ZSWIM3: variants seen among roughly 807,000 people sequenced by gnomAD.
ZSWIM3 encodes zinc finger SWIM-type containing 3.
Under a neutral mutation model 47.5 loss-of-function variants are expected in ZSWIM3, and 27 were observed. The ratio of observed to expected loss-of-function variants is 0.57; its 90% CI spans 0.42 to 0.78. The LOEUF (loss-of-function observed/expected upper bound fraction) is 0.78. Ranked by LOEUF, ZSWIM3 falls within the 30% of genes least tolerant of loss-of-function variation. The pLI is 0.00. For missense variants in ZSWIM3, 689 were observed against 861.3 expected (o/e 0.80, Z 2.50); for synonymous variants, 333 against 333.9 (o/e 1.00, Z 0.03).
chr20:45,876,821 T>C lies in ZSWIM3; in HGVS notation c.263T>C (p.Leu88Pro). 1 of 1,614,162 alleles carries C rather than the reference T, an allele frequency of 6.2e-7. No individual in the cohort carries two copies. Among genetic ancestry groups the C allele is most frequent in the Non-Finnish European group, 8.5e-7 (1 of 1,180,018 alleles). The change falls in exon 2 of 2, where the codon CTA becomes CCA. Residue 88 changes from leucine to proline, a missense_variant. Coordinates refer to ENST00000255152, the MANE Select transcript of ZSWIM3 (RefSeq NM_080752.4). ...AYLLLRYNER[L>P]DRLFISELNT... ...TTGCTCCTAAGGTACAACGAGAGAC[T>C]AGATAGACTATTTATCAGTGAACTA...
In ZSWIM3 at chr20:45,857,697, T is replaced by G. The variant is rs917209237; in HGVS notation, c.-129T>G. 3.4e-6 allele frequency: 4 copies of G among 1,170,966 alleles called. No individual in the cohort carries two copies. Among genetic ancestry groups the G allele is most frequent in the Non-Finnish European group, 2.4e-6 (2 of 822,650 alleles). 72.5% of individuals were successfully genotyped at this position (1,170,966 alleles called of 1,614,324 possible). A position where few individuals can be genotyped will look rare whatever the true frequency, so the allele number is the denominator to read the frequency against. On this transcript the variant is annotated 5_prime_UTR_variant, in exon 1 of 2. Coordinates refer to ENST00000255152, the MANE Select transcript of ZSWIM3 (RefSeq NM_080752.4). The stretch of plus-strand genomic sequence containing the variant: ...CTGAGTTCCAGAATAGGCCACCCAG[T>G]TGGGGCGGACCCTTAAGGCATTCTG...
intron 1 of ZSWIM3, among the ~76,000 whole-genome samples, chr20:45,869,979 G>A (rs1464852555): frequency 6.6e-6 from 1 of 150,620 alleles, no homozygotes; most frequent in Non-Finnish European, 1.5e-5. Context: ...AGGAGGCGGA[G>A]GTTACAGTGA....
chr20:45,872,586 G>T (rs1985998142), intron 1 of ZSWIM3: 2 of 632,710 alleles, frequency 3.2e-6, no homozygotes, highest in African/African-American at 1.9e-5. Context: ...GGTAGGAAGG[G>T]CATTCCAGAC....
At position 45,876,759 on chromosome 20, in the gene ZSWIM3, G is replaced by A. The variant is rs1363197853; in HGVS notation, c.201G>A (p.Arg67=). The change falls in exon 2 of 2, where the codon AGG becomes AGA. Residue 67 remains arginine (R), a synonymous_variant. Coordinates refer to ENST00000255152, the MANE Select transcript of ZSWIM3 (RefSeq NM_080752.4). The part of the protein sequence containing the change: ...KFVCIRTQSN[R]KRTREADMCP... ...TCTGCATTCGGACCCAATCAAACAG[G>A]AAGAGAACGCGGGAGGCAGACATGT... 1 of 1,614,046 alleles carries A rather than the reference G, an allele frequency of 6.2e-7. No homozygotes were observed. Among genetic ancestry groups the A allele is most frequent in the Admixed American group, 1.7e-5 (1 of 59,990 alleles).
In ZSWIM3 at chr20:45,876,864, TG is replaced by T. The variant is rs772501138; in HGVS notation, c.308del (p.Gly103ValfsTer50). On this transcript the variant is annotated frameshift_variant, in exon 2 of 2. Transcript: ENST00000255152. LOFTEE classifies it high-confidence loss of function. ...ISELNTQHIH[G>X]DSKVASPGGD... is the part of the protein sequence containing the mutation. ...GTGAACTAAACACACAGCACATACATGGTGACTCTAAAGTGGCTAGTCCTGG... is the reference window on the plus strand; with the variant it reads ...GTGAACTAAACACACAGCACATACATGTGACTCTAAAGTGGCTAGTCCTGG... The T allele has an allele frequency of 6.2e-7, 1 of 1,614,092 alleles. No individual in the cohort carries two copies. The highest frequency in any genetic ancestry group is 1.1e-5 in the South Asian group (1 of 91,076).
intron 1 of ZSWIM3, among the ~76,000 whole-genome samples, chr20:45,867,264 C>A (rs1985868861): frequency 6.6e-6 from 1 of 152,076 alleles, no homozygotes; most frequent in African/African-American, 2.4e-5. Flanking sequence ...ACCTCAGCCT[C>A]CCAAAGTTCT....
At position 45,859,365 on chromosome 20, in the gene ZSWIM3, T is replaced by C. The variant is rs554147955; in HGVS notation, c.155+1385T>C. ...AGTGTTCAAACTATCCCCAGAGAACTAGGATAAACTTGAACTCAAGCAAAC... is the reference window on the plus strand; with the variant it reads ...AGTGTTCAAACTATCCCCAGAGAACCAGGATAAACTTGAACTCAAGCAAAC... On this transcript the variant is annotated intron_variant, in intron 1 of 1. Coordinates refer to ENST00000255152, the MANE Select transcript of ZSWIM3 (RefSeq NM_080752.4). Among the ~76,000 whole-genome samples, 4 of 145,410 alleles carry C rather than the reference T, an allele frequency of 2.8e-5. No homozygotes were observed. The East Asian group carries it at 8.0e-4, about 29-fold the overall frequency.
intron 1 of ZSWIM3, among the ~76,000 whole-genome samples, chr20:45,859,733 G>T: frequency 7.0e-6 from 1 of 143,210 alleles, no homozygotes; most frequent in Non-Finnish European, 1.5e-5. Context: ...AGGGACCATT[G>T]TGAGGTGTTT....
At chr20:45,876,435 C>T (rs1986094342) in intron 1 of ZSWIM3, among the ~76,000 whole-genome samples, 1 of 152,032 alleles carries the variant, frequency 6.6e-6, no homozygotes, top group African/African-American at 2.4e-5. Context: ...ACTTCCCAGG[C>T]TCAAGCGATC....
At chr20:45,876,338 C>T (rs532657097) in intron 1 of ZSWIM3, among the ~76,000 whole-genome samples, 122 of 148,952 alleles carry the variant, frequency 8.2e-4, no homozygotes, top group African/African-American at 2.5e-3. Context: ...AGCCACCGCG[C>T]CCAGCTGTTT....
intron 1 of ZSWIM3, among the ~76,000 whole-genome samples, chr20:45,866,630 A>T (rs1178697293): frequency 6.6e-6 from 1 of 151,976 alleles, no homozygotes; most frequent in East Asian, 1.9e-4. Context: ...ACATAGCGAG[A>T]CCCCATTTCT....
At chr20:45,872,684 A>T (rs760696241) in intron 1 of ZSWIM3, 31 of 1,277,550 alleles carry the variant, frequency 2.4e-5, no homozygotes, top group Non-Finnish European at 2.8e-5. Flanking sequence ...ACAAAAAACA[A>T]GGTGATGAAA....
Position 45,878,928 on chromosome 20 carries a change from C to T in ZSWIM3, c.*279C>T, listed in dbSNP as rs1986178419. 2.5e-6 allele frequency: 1 copy of T among 393,148 alleles called. No homozygotes were observed. The highest frequency in any genetic ancestry group is 3.8e-5 in the South Asian group (1 of 26,100). 24.4% of individuals were successfully genotyped at this position (393,148 alleles called of 1,614,324 possible). On this transcript the variant is annotated 3_prime_UTR_variant, in exon 2 of 2. Transcript: ENST00000255152. Reference sequence around the variant, plus strand: ...AGGTCACCCTCTTCCTCCCCCAGCCCCTGAGATCAGATCTTATTTGCTCTG... The same window carrying T: ...AGGTCACCCTCTTCCTCCCCCAGCCTCTGAGATCAGATCTTATTTGCTCTG...
intron 1 of ZSWIM3, among the ~76,000 whole-genome samples, chr20:45,867,278 A>G (rs768649608): frequency 2.6e-5 from 4 of 152,120 alleles, no homozygotes; most frequent in Non-Finnish European, 5.9e-5. Context: ...AAGTTCTGGG[A>G]TTACAGGTGT....
Position 45,878,956 on chromosome 20 carries a change from A to G in ZSWIM3, c.*307A>G. ...GAGATCAGATCTTATTTGCTCTGCA[A>G]AGATGAATCCCTGCCTCAGGTTAGG... is the stretch of plus-strand genomic sequence containing the variant. On this transcript the variant is annotated 3_prime_UTR_variant, in exon 2 of 2. Coordinates refer to ENST00000255152, the MANE Select transcript of ZSWIM3 (RefSeq NM_080752.4). 5 of 297,260 alleles carry G rather than the reference A, an allele frequency of 1.7e-5. No individual in the cohort carries two copies. The highest frequency in any genetic ancestry group is 2.5e-5 in the Non-Finnish European group (4 of 159,048). 18.4% of individuals were successfully genotyped at this position (297,260 alleles called of 1,614,324 possible). A position where few individuals can be genotyped will look rare whatever the true frequency, so the allele number is the denominator to read the frequency against.
chr20:45,878,703 G>A lies in ZSWIM3; in HGVS notation c.*54G>A. The A allele has an allele frequency of 1.3e-6, 2 of 1,550,720 alleles. No individual in the cohort carries two copies. The highest frequency in any genetic ancestry group is 1.7e-6 in the Non-Finnish European group (2 of 1,148,012). On this transcript the variant is annotated 3_prime_UTR_variant, in exon 2 of 2. Coordinates refer to ENST00000255152, the MANE Select transcript of ZSWIM3 (RefSeq NM_080752.4). ...AACACTTCTCCTTGGAAGTGTGAGA[G>A]TTTAAAGTGGGCAGGACATACTAGG...
intron 1 of ZSWIM3, among the ~76,000 whole-genome samples, chr20:45,872,007 T>C (rs79617364): frequency 0.056 from 8,572 of 152,268 alleles, 282 homozygotes; most frequent in South Asian, 0.12. Context: ...GGCAGCATAA[T>C]GGTTAACTAG....
At chr20:45,866,206 G>A (rs967086514) in intron 1 of ZSWIM3, among the ~76,000 whole-genome samples, 1 of 152,020 alleles carries the variant, frequency 6.6e-6, no homozygotes, top group Non-Finnish European at 1.5e-5. Context: ...GGGGGCTGAG[G>A]CAGGAGGATC....
intron 1 of ZSWIM3, among the ~76,000 whole-genome samples, chr20:45,871,786 A>G (rs1050051929): frequency 2.0e-5 from 3 of 151,364 alleles, no homozygotes; most frequent in Admixed American, 6.6e-5. Flanking sequence ...GCTTGAACCC[A>G]GGAGGCAGAG....
Sources: gnomAD v4.1 joint callset for allele counts (sites outside exome capture counted in the v4.1 genomes callset) on GRCh38, gnomAD v4.1.1 for gene constraint, MANE v1.5 for transcripts, NCBI Gene and HGNC (gene_info 2026-07-23, HGNC 2026-07-21) for gene names.